The following RSPH14 variants were observed in gnomAD, a reference collection of about 807,000 sequenced individuals.
RSPH14 encodes the protein rhabdoid tumor deletion region gene 1.
In RSPH14, 20 loss-of-function variants were observed where a neutral mutation model predicts 26.7. That is an observed-to-expected ratio of 0.75 (90% CI 0.53 to 1.09). The LOEUF (loss-of-function observed/expected upper bound fraction) is 1.09. Ranked by LOEUF, RSPH14 falls within the 50% of genes least tolerant of loss-of-function variation. The pLI is 0.00. For synonymous variants in RSPH14, 177 were observed against 189.3 expected, an observed-to-expected ratio of 0.93 and a Z score of 0.53; for missense variants, 449 against 457.2, an observed-to-expected ratio of 0.98 and a Z score of 0.16.
chr22:23,152,951 A>C, the RSPH14 span: 1 of 998,726 alleles, frequency 1.0e-6, no homozygotes, highest in African/African-American at 1.6e-5. Context: ...TTATTTGCCT[A>C]AAGACTTGCA....
chr22:23,152,816 T>G, the RSPH14 span, among the ~76,000 whole-genome samples: 1 of 152,176 alleles, frequency 6.6e-6, no homozygotes, highest in African/African-American at 2.4e-5. Flanking sequence ...TCAGTTTCGC[T>G]CAGTTTCTAA....
At chr22:23,106,117 A>T (rs543937757) in intron 4 of RSPH14, among the ~76,000 whole-genome samples, 16 of 152,332 alleles carry the variant, frequency 1.1e-4, no homozygotes, top group Admixed American at 8.5e-4. Flanking sequence ...CTCCCGCCAC[A>T]TATCACACTT....
the RSPH14 span, among the ~76,000 whole-genome samples, chr22:23,154,082 G>GC: frequency 6.6e-6 from 1 of 151,992 alleles, no homozygotes; most frequent in South Asian, 2.1e-4. Context: ...CATCTGAGTG[G>GC]CCCAGGGCCA....
At chr22:23,145,800 C>G (rs981938265), upstream of RSPH14, among the ~76,000 whole-genome samples, 3 of 152,254 alleles carry the variant, frequency 2.0e-5, no homozygotes, top group African/African-American at 7.2e-5. Flanking sequence ...CCACCCCAGC[C>G]CAGCCTGGAG....
At chr22:23,105,513 G>A (rs887348045) in intron 4 of RSPH14, among the ~76,000 whole-genome samples, 3 of 152,232 alleles carry the variant, frequency 2.0e-5, no homozygotes, top group African/African-American at 7.2e-5. Flanking sequence ...CGAGGCTGCA[G>A]TGCCAGCGGC....
chr22:23,179,720 A>G, the RSPH14 span: 1 of 172,332 alleles, frequency 5.8e-6, no homozygotes, highest in Non-Finnish European at 1.2e-5. Context: ...TGTGGCAGCC[A>G]CCCACAGCAG....
intron 4 of RSPH14, among the ~76,000 whole-genome samples, chr22:23,103,248 C>G (rs1032907125): frequency 6.6e-6 from 1 of 152,194 alleles, no homozygotes; most frequent in African/African-American, 2.4e-5. Context: ...AATCACACCC[C>G]AGGAACTGGC....
chr22:23,090,017 G>A (rs568531751), intron 4 of RSPH14, among the ~76,000 whole-genome samples: 8 of 152,180 alleles, frequency 5.3e-5, no homozygotes, highest in South Asian at 4.1e-4. Flanking sequence ...AGTCCTAAGC[G>A]ACCTCCTGGT....
chr22:23,081,061 G>A (rs3788343), intron 4 of RSPH14, among the ~76,000 whole-genome samples: 52,232 of 152,042 alleles, frequency 0.34, 9,784 homozygotes, highest in African/African-American at 0.5. Context: ...GTGTAAACTG[G>A]TGGGCTGTGA....
the RSPH14 span, among the ~76,000 whole-genome samples, chr22:23,151,256 G>A: frequency 1.3e-5 from 2 of 152,238 alleles, no homozygotes; most frequent in African/African-American, 4.8e-5. Context: ...CATATCAGGT[G>A]CTTCACACAG....
chr22:23,127,949 G>T (rs149809456), intron 4 of RSPH14, among the ~76,000 whole-genome samples: 5 of 151,950 alleles, frequency 3.3e-5, no homozygotes, highest in Non-Finnish European at 7.4e-5. Flanking sequence ...GCTCTCCTCC[G>T]GGCTGGGAGG....
chr22:23,129,813 G>A (rs147991178), intron 4 of RSPH14, among the ~76,000 whole-genome samples: 4,674 of 151,794 alleles, frequency 0.031, 252 homozygotes, highest in African/African-American at 0.11. Context: ...CCAGCTACTC[G>A]GGAGGCTGAG....
At chr22:23,145,170 C>G, upstream of RSPH14, 3 of 602,342 alleles carry the variant, frequency 5.0e-6, no homozygotes, top group South Asian at 6.0e-5. Context: ...CCGAGCTGAT[C>G]ACCAGAACCT....
intron 4 of RSPH14, among the ~76,000 whole-genome samples, chr22:23,070,041 G>A (rs367869568): frequency 6.6e-6 from 1 of 152,150 alleles, no homozygotes; most frequent in Non-Finnish European, 1.5e-5. Context: ...GTGGCCCCTG[G>A]GGCTCGGCTA....
intron 4 of RSPH14, among the ~76,000 whole-genome samples, chr22:23,093,423 G>A (rs893335791): frequency 6.6e-6 from 1 of 152,222 alleles, no homozygotes; most frequent in African/African-American, 2.4e-5. Context: ...TCCCAGTGGG[G>A]AACGAGGCCA....
the RSPH14 span, chr22:23,153,248 G>C: frequency 1.3e-6 from 1 of 788,840 alleles, no homozygotes; most frequent in Non-Finnish European, 2.1e-6. Context: ...TAGACAAGCA[G>C]AGCCTGGGGG....
At chr22:23,153,725 C>G in the RSPH14 span, 1 of 748,502 alleles carries the variant, frequency 1.3e-6, no homozygotes, top group Non-Finnish European at 1.6e-6. Flanking sequence ...GAGACAGAGT[C>G]TTGCTCTGTC....
the RSPH14 span, among the ~76,000 whole-genome samples, chr22:23,179,096 A>G: frequency 6.6e-6 from 1 of 152,202 alleles, no homozygotes; most frequent in South Asian, 2.1e-4. Flanking sequence ...GAAGCCCTGA[A>G]CCCAAGCAGG....
chr22:23,152,110 G>A, the RSPH14 span, among the ~76,000 whole-genome samples: 1 of 152,254 alleles, frequency 6.6e-6, no homozygotes, highest in Non-Finnish European at 1.5e-5. Context: ...GGACAGCACA[G>A]ACGTGCCCAC....
Sources: allele counts gnomAD v4.1 joint callset (sites outside exome capture counted in the v4.1 genomes callset), GRCh38; gene constraint gnomAD v4.1.1; transcripts MANE v1.5; gene names NCBI Gene and HGNC (gene_info 2026-07-23, HGNC 2026-07-21).